The following TMEM114 variants were observed in gnomAD, a reference collection of about 807,000 sequenced individuals.
TMEM114 encodes the protein claudin-26.
In TMEM114, 6 loss-of-function variants were observed where a neutral mutation model predicts 6.2. That is an observed-to-expected ratio of 0.97 (90% CI 0.53 to 1.91). The LOEUF (loss-of-function observed/expected upper bound fraction) is 1.91. TMEM114 is among the 40% of genes most tolerant of loss of function. The pLI is 0.01. For synonymous variants in TMEM114, 104 were observed against 73.0 expected, an observed-to-expected ratio of 1.42 and a Z score of -2.16; for missense variants, 218 against 158.3, an observed-to-expected ratio of 1.38 and a Z score of -2.02.
chr16:8,588,622 A>C (rs1902387990), intron 2 of TMEM114, among the ~76,000 whole-genome samples: 1 of 152,174 alleles, frequency 6.6e-6, no homozygotes, highest in African/African-American at 2.4e-5. Context: ...GCTGGGTACT[A>C]AGAACCAACC....
chr16:8,554,450 G>C lies in TMEM114; in HGVS notation n.213-16624C>G, dbSNP rs181134124. On this transcript the variant is annotated intron_variant and non_coding_transcript_variant, in intron 2 of 2. Coordinates refer to the TMEM114 transcript ENST00000623677. ...ATGAGGCACCATTGCTGACCAGAGA[G>C]AGAGAATCTCCTTCTTGACCTCTCA... Among the ~76,000 whole-genome samples the C allele has an allele frequency of 1.8e-3, 271 of 152,196 alleles. 3 individuals are homozygous for C. The highest frequency in any genetic ancestry group is 6.2e-3 in the African/African-American group (259 of 41,534).
chr16:8,539,659 C>G (rs1381335294), intron 2 of TMEM114, among the ~76,000 whole-genome samples: 1 of 151,998 alleles, frequency 6.6e-6, no homozygotes, highest in Non-Finnish European at 1.5e-5. Context: ...CCCAGGGATC[C>G]TTAAATATTT....
chr16:8,527,026 G>T, the TMEM114 span, among the ~76,000 whole-genome samples: 3 of 152,172 alleles, frequency 2.0e-5, no homozygotes, highest in African/African-American at 4.8e-5. Context: ...TGGCCAACAT[G>T]GGGAAACCCC....
chr16:8,544,349 T>C (rs1472536686), intron 2 of TMEM114, among the ~76,000 whole-genome samples: 1 of 152,176 alleles, frequency 6.6e-6, no homozygotes, highest in East Asian at 1.9e-4. Flanking sequence ...TCAAGCTGGG[T>C]CCTGTGCATA....
At position 8,544,316 on chromosome 16, in the gene TMEM114, T is replaced by G. The variant is rs183223696; in HGVS notation, n.213-6490A>C. Among the ~76,000 whole-genome samples the G allele has an allele frequency of 2.6e-3, 396 of 152,332 alleles. 1 individual carries two copies. The highest frequency in any genetic ancestry group is 9.2e-3 in the African/African-American group (384 of 41,576). The stretch of plus-strand genomic sequence containing the variant: ...TAAACGAATACTCAACAAATGTTTG[T>G]TGAGCATTAACTGAGCCAGGCATCA... On this transcript the variant is annotated intron_variant and non_coding_transcript_variant, in intron 2 of 2. Coordinates refer to the TMEM114 transcript ENST00000623677.
intron 2 of TMEM114, among the ~76,000 whole-genome samples, chr16:8,586,563 G>A (rs1902329022): frequency 1.3e-5 from 2 of 151,094 alleles, no homozygotes; most frequent in Non-Finnish European, 2.9e-5. Context: ...AGACTGGAGT[G>A]CAGTGGTGCA....
intron 2 of TMEM114, among the ~76,000 whole-genome samples, chr16:8,562,296 A>AG: frequency 1.1e-5 from 1 of 87,116 alleles, no homozygotes; most frequent in East Asian, 4.5e-4. Context: ...GAGTGAGTGA[A>AG]TGAGTGAGTA....
intron 2 of TMEM114, among the ~76,000 whole-genome samples, chr16:8,547,717 G>C (rs1291618203): frequency 6.6e-6 from 1 of 152,108 alleles, no homozygotes; most frequent in African/African-American, 2.4e-5. Context: ...TGAACACAAA[G>C]GTTGGCAAGG....
intron 2 of TMEM114, among the ~76,000 whole-genome samples, chr16:8,562,028 ATGAG>A (rs202043740): frequency 3.4e-5 from 5 of 146,030 alleles, no homozygotes; most frequent in East Asian, 2.1e-4. Flanking sequence ...GTGTGAGTGA[ATGAG>A]TGAGTAAATG....
chr16:8,547,371 G>GCTTTCTTT (rs138022382), intron 2 of TMEM114, among the ~76,000 whole-genome samples: 1 of 142,990 alleles, frequency 7.0e-6, no homozygotes, highest in African/African-American at 2.7e-5. Flanking sequence ...GAAGAGACGC[G>GCTTTCTTT]CTTTCTTTCT....
At chr16:8,543,412 C>A (rs868646673) in intron 2 of TMEM114, among the ~76,000 whole-genome samples, 1 of 151,960 alleles carries the variant, frequency 6.6e-6, no homozygotes, top group African/African-American at 2.4e-5. Flanking sequence ...CTTTCCCTAC[C>A]TACCAAGTGC....
At chr16:8,541,265 A>C (rs1034252763) in intron 2 of TMEM114, among the ~76,000 whole-genome samples, 2 of 152,174 alleles carry the variant, frequency 1.3e-5, no homozygotes, top group African/African-American at 4.8e-5. Context: ...TGAACCACTT[A>C]TGTCTTACTC....
At chr16:8,538,608 C>T (rs968061180) in intron 2 of TMEM114, among the ~76,000 whole-genome samples, 8 of 152,114 alleles carry the variant, frequency 5.3e-5, no homozygotes, top group South Asian at 4.2e-4. Context: ...CTTGGGTCCA[C>T]GCCATTCTCT....
chr16:8,587,503 C>G (rs1437502415), intron 2 of TMEM114, among the ~76,000 whole-genome samples: 2 of 152,154 alleles, frequency 1.3e-5, no homozygotes, highest in Non-Finnish European at 2.9e-5. Context: ...CAGGGAGATT[C>G]CAGGTGGAGG....
chr16:8,531,018 T>A, the TMEM114 span, among the ~76,000 whole-genome samples: 11 of 151,686 alleles, frequency 7.3e-5, no homozygotes, highest in Admixed American at 7.2e-4. Context: ...AGTGAGACTC[T>A]GTCTCAAAAA....
chr16:8,586,677 T>G (rs563487986), intron 2 of TMEM114, among the ~76,000 whole-genome samples: 1 of 152,128 alleles, frequency 6.6e-6, no homozygotes. Flanking sequence ...ACCGGGCTAA[T>G]TTTTGTATTT....
chr16:8,547,148 G>A (rs978901767), intron 2 of TMEM114, among the ~76,000 whole-genome samples: 1 of 152,164 alleles, frequency 6.6e-6, no homozygotes, highest in African/African-American at 2.4e-5. Context: ...ACGGCTGGGG[G>A]AAAAGGGGGG....
At chr16:8,573,297 T>C (rs901113327) in intron 2 of TMEM114, among the ~76,000 whole-genome samples, 18 of 152,316 alleles carry the variant, frequency 1.2e-4, no homozygotes, top group African/African-American at 4.3e-4. Context: ...CGGATCCACC[T>C]GGAGAACAGT....
At chr16:8,559,846 C>A (rs986132932) in intron 2 of TMEM114, among the ~76,000 whole-genome samples, 2 of 152,166 alleles carry the variant, frequency 1.3e-5, no homozygotes, top group Non-Finnish European at 2.9e-5. Flanking sequence ...AGGACAAGGA[C>A]TGAGATCCCC....
Sources: gnomAD v4.1 joint callset for allele counts (sites outside exome capture counted in the v4.1 genomes callset) on GRCh38, gnomAD v4.1.1 for gene constraint, MANE v1.5 for transcripts, NCBI Gene and HGNC (gene_info 2026-07-23, HGNC 2026-07-21) for gene names.